The following SCFD2 variants were observed in gnomAD, a reference collection of about 807,000 sequenced individuals.
SCFD2 encodes the protein sec1 family domain-containing protein 2.
Under a neutral mutation model 58.9 loss-of-function variants are expected in SCFD2, and 54 were observed. The observed-to-expected ratio is 0.92, with a 90% CI of 0.74 to 1.15. The LOEUF is 1.15. Among genes scored for constraint, SCFD2 ranks in the 50% most tolerant of loss-of-function variants. The pLI is 0.00. For synonymous variants in SCFD2, 321 were observed against 335.9 expected, an observed-to-expected ratio of 0.96 and a Z score of 0.49; for missense variants, 805 against 836.6, an observed-to-expected ratio of 0.96 and a Z score of 0.47.
intron 3 of SCFD2, among the ~76,000 whole-genome samples, chr4:53,276,185 C>T (rs867935229): frequency 2.4e-4 from 36 of 147,102 alleles, no homozygotes; most frequent in African/African-American, 8.3e-4. Context: ...GAAAGCATAT[C>T]AACAGTGCAT....
Position 53,262,217 on chromosome 4 carries a change from A to G in SCFD2, c.1311+11609T>C, listed in dbSNP as rs181910047. 1.2e-3 allele frequency among the ~76,000 whole-genome samples: 180 copies of G among 152,102 alleles called. 1 individual carries two copies. Among genetic ancestry groups the G allele is most frequent in the African/African-American group, 4.2e-3 (173 of 41,476 alleles). On this transcript the variant is annotated intron_variant, in intron 4 of 8. Transcript: ENST00000401642. ...ATTCTTATCCATTCTGCCATATTGT[A>G]TCTTTTAAGTGGAGCATTTAGGCCA...
At chr4:53,329,116 T>A (rs980417062) in intron 2 of SCFD2, among the ~76,000 whole-genome samples, 6 of 152,188 alleles carry the variant, frequency 3.9e-5, no homozygotes, top group African/African-American at 4.8e-5. Flanking sequence ...TCTCACTGAT[T>A]GCTAGCACAG....
In SCFD2 at chr4:52,895,307, G is replaced by C. The variant is rs1265034038; in HGVS notation, c.1843-9441C>G. 2.0e-5 allele frequency among the ~76,000 whole-genome samples: 3 copies of C among 152,014 alleles called. 1 individual carries two copies. The highest frequency in any genetic ancestry group is 7.3e-5 in the African/African-American group (3 of 41,366). ...TTTAGCATTAGGTATATCTCCTAAT[G>C]CTATCCCTCTCCCCTACCCCTACCC... On this transcript the variant is annotated intron_variant, in intron 7 of 8. Transcript: ENST00000401642.
chr4:53,024,967 T>G (rs2148815474), intron 5 of SCFD2, among the ~76,000 whole-genome samples: 1 of 152,342 alleles, frequency 6.6e-6, no homozygotes, highest in South Asian at 2.1e-4. Flanking sequence ...CCACTGCATT[T>G]GTCCCACTGG....
At chr4:52,971,471 G>T (rs1369429118) in intron 5 of SCFD2, among the ~76,000 whole-genome samples, 1 of 152,150 alleles carries the variant, frequency 6.6e-6, no homozygotes. Context: ...AGAGAAAAAA[G>T]AATAGAAAGA....
intron 2 of SCFD2, among the ~76,000 whole-genome samples, chr4:53,341,062 C>T (rs1476131656): frequency 2.6e-5 from 4 of 152,186 alleles, no homozygotes; most frequent in Non-Finnish European, 5.9e-5. Flanking sequence ...CTCTTCACCT[C>T]CAAAGGAACA....
In SCFD2 at chr4:53,239,072, T is replaced by C. The variant is rs1049399840; in HGVS notation, c.1311+34754A>G. On this transcript the variant is annotated intron_variant, in intron 4 of 8. Coordinates refer to ENST00000401642, the MANE Select transcript of SCFD2 (RefSeq NM_152540.4). ...CTACTGCACTCCAGCCTGGGCACCATTGAGCACTGAGTGAACGAGACTCCA... is the reference window on the plus strand; with the variant it reads ...CTACTGCACTCCAGCCTGGGCACCACTGAGCACTGAGTGAACGAGACTCCA... 9.3e-5 allele frequency among the ~76,000 whole-genome samples: 14 copies of C among 151,078 alleles called. 1 individual carries two copies. Among genetic ancestry groups the C allele is most frequent in the Non-Finnish European group, 1.8e-4 (12 of 67,766 alleles).
At chr4:53,310,105 C>G (rs1353950553) in intron 3 of SCFD2, among the ~76,000 whole-genome samples, 1 of 151,962 alleles carries the variant, frequency 6.6e-6, no homozygotes, top group Non-Finnish European at 1.5e-5. Context: ...GCAAAGAGGT[C>G]GAGAAGGATG....
chr4:52,950,652 A>G (rs551263741), intron 5 of SCFD2: 1 of 152,156 alleles, frequency 6.6e-6, no homozygotes, highest in Non-Finnish European at 1.5e-5. Context: ...CCCAGAATGG[A>G]CTCTCAAGGT....
At chr4:53,180,450 C>G (rs1577810824) in intron 4 of SCFD2, among the ~76,000 whole-genome samples, 1 of 151,838 alleles carries the variant, frequency 6.6e-6, no homozygotes. Context: ...TCTTTGAAAC[C>G]AACGAGAACA....
At chr4:53,363,739 C>G (rs1237960751) in intron 1 of SCFD2, among the ~76,000 whole-genome samples, 1 of 147,156 alleles carries the variant, frequency 6.8e-6, no homozygotes, top group Non-Finnish European at 1.5e-5. Flanking sequence ...AGGAGAATGG[C>G]GTGAACCCGG....
chr4:53,049,758 A>C (rs989710751), intron 5 of SCFD2, among the ~76,000 whole-genome samples: 1 of 152,156 alleles, frequency 6.6e-6, no homozygotes, highest in African/African-American at 2.4e-5. Flanking sequence ...TCTCTTTAAA[A>C]AATTTCTGAT....
In SCFD2 at chr4:53,145,319, T is replaced by G. The variant is rs1167212777; in HGVS notation, c.1561+14A>C. 1.6e-5 allele frequency: 26 copies of G among 1,613,484 alleles called. No individual in the cohort carries two copies. The highest frequency in any genetic ancestry group is 2.2e-5 in the Non-Finnish European group (26 of 1,179,828). ...CAGTGATGTTTGTGTCCTGTATCTT[T>G]GTTAGACACTCACCCGTAATTTTTT... On this transcript the variant is annotated intron_variant, in intron 5 of 8. Transcript: ENST00000401642.
chr4:53,244,017 G>A (rs1299829773), intron 4 of SCFD2, among the ~76,000 whole-genome samples: 13 of 151,566 alleles, frequency 8.6e-5, no homozygotes, highest in Admixed American at 8.5e-4. Flanking sequence ...TATAGAAAAG[G>A]GTTCAACTCA....
chr4:53,317,643 G>A (rs896435914), intron 2 of SCFD2, among the ~76,000 whole-genome samples: 5 of 152,206 alleles, frequency 3.3e-5, no homozygotes, highest in South Asian at 2.1e-4. Flanking sequence ...GCAATACAGA[G>A]AGGACTATAT....
chr4:53,240,397 T>C (rs1323117021), intron 4 of SCFD2, among the ~76,000 whole-genome samples: 7 of 152,146 alleles, frequency 4.6e-5, no homozygotes, highest in South Asian at 2.1e-4. Flanking sequence ...CAATGAAAAA[T>C]GGTAGGTAGT....
intron 4 of SCFD2, among the ~76,000 whole-genome samples, chr4:53,205,295 A>C (rs1432085246): frequency 6.6e-6 from 1 of 152,024 alleles, no homozygotes; most frequent in Non-Finnish European, 1.5e-5. Flanking sequence ...CCTCTGTACC[A>C]CCTTTTTTTA....
chr4:52,925,261 A>G (rs75400465), intron 5 of SCFD2, among the ~76,000 whole-genome samples: 307 of 146,942 alleles, frequency 2.1e-3, no homozygotes, highest in African/African-American at 7.2e-3. Flanking sequence ...CCACATGTGT[A>G]TATATATATA....
intron 8 of SCFD2, among the ~76,000 whole-genome samples, chr4:52,883,778 C>G (rs928193573): frequency 7.2e-5 from 11 of 152,218 alleles, no homozygotes; most frequent in African/African-American, 2.7e-4. Context: ...AACCTTATCA[C>G]TGCTGGCAGG....
Sources: allele counts gnomAD v4.1 joint callset (sites outside exome capture counted in the v4.1 genomes callset), GRCh38; gene constraint gnomAD v4.1.1; transcripts MANE v1.5; gene names NCBI Gene and HGNC (gene_info 2026-07-23, HGNC 2026-07-21).